DPP10: variants seen among roughly 807,000 people sequenced by gnomAD.
DPP10 encodes inactive dipeptidyl peptidase 10.
DPP10 carries 33 observed loss-of-function variants against 120.9 expected under a neutral mutation model. The ratio of observed to expected loss-of-function variants is 0.27; its 90% CI spans 0.21 to 0.37. The LOEUF (loss-of-function observed/expected upper bound fraction) is 0.37, where lower values mean the gene tolerates loss of function less well. Ranked by LOEUF, DPP10 falls within the 10% of genes least tolerant of loss-of-function variation. The pLI, the probability that DPP10 is intolerant of heterozygous loss-of-function variation, is 1.00. For synonymous variants in DPP10, 337 were observed against 326.1 expected (o/e 1.03, Z -0.36); for missense variants, 816 against 942.8 (o/e 0.87, Z 1.76).
intron 2 of DPP10, among the ~76,000 whole-genome samples, chr2:115,334,494 T>G (rs1046012991): frequency 1.3e-5 from 2 of 151,684 alleles, no homozygotes; most frequent in Non-Finnish European, 2.9e-5. Flanking sequence ...AGATTATTAT[T>G]TTTCCAATTT....
At chr2:115,307,305 A>G (rs1243536200) in intron 1 of DPP10, among the ~76,000 whole-genome samples, 3 of 152,090 alleles carry the variant, frequency 2.0e-5, no homozygotes. Context: ...GTCAAAAGTC[A>G]TTTCTCAAAT....
At chr2:115,519,988 ATTGAGTAGTGAGGG>A in intron 4 of DPP10, among the ~76,000 whole-genome samples, 1 of 152,310 alleles carries the variant, frequency 6.6e-6, no homozygotes, top group East Asian at 1.9e-4. Context: ...TAATAATGAG[ATTGAGTAGTGAGGG>A]AAGTTATACC....
chr2:115,365,289 G>C (rs1165599782), intron 3 of DPP10, among the ~76,000 whole-genome samples: 1 of 151,830 alleles, frequency 6.6e-6, no homozygotes, highest in Admixed American at 6.6e-5. Flanking sequence ...CTACAAATCT[G>C]CCATAAAAGA....
intron 7 of DPP10, among the ~76,000 whole-genome samples, chr2:115,692,451 A>G (rs896470373): frequency 6.6e-6 from 1 of 152,030 alleles, no homozygotes; most frequent in African/African-American, 2.4e-5. Context: ...GTTTTGCATT[A>G]TATAATTTGA....
chr2:114,636,609 G>A (rs1159443062), intron 1 of DPP10, among the ~76,000 whole-genome samples: 2 of 151,936 alleles, frequency 1.3e-5, no homozygotes, highest in East Asian at 1.9e-4. Flanking sequence ...CTCTGGGAAC[G>A]CTGTAGTAAG....
intron 1 of DPP10, among the ~76,000 whole-genome samples, chr2:115,305,166 A>G (rs529366414): frequency 6.6e-6 from 1 of 152,182 alleles, no homozygotes; most frequent in African/African-American, 2.4e-5. Flanking sequence ...TTGTGATATC[A>G]TAATCTAACA....
chr2:115,269,660 C>G (rs1453362136), intron 1 of DPP10, among the ~76,000 whole-genome samples: 1 of 152,090 alleles, frequency 6.6e-6, no homozygotes, highest in East Asian at 1.9e-4. Context: ...GGTGAACAGT[C>G]TAAGAATCTG....
At chr2:114,723,903 C>T (rs1013373365) in intron 1 of DPP10, among the ~76,000 whole-genome samples, 6 of 152,102 alleles carry the variant, frequency 3.9e-5, no homozygotes, top group Non-Finnish European at 8.8e-5. Flanking sequence ...TGTTGGAAGT[C>T]ACAGACTTCA....
intron 1 of DPP10, among the ~76,000 whole-genome samples, chr2:114,965,982 A>G (rs533105193): frequency 0.027 from 3,901 of 146,908 alleles, 188 homozygotes; most frequent in African/African-American, 0.093. Flanking sequence ...AAAAAAAAAA[A>G]AAAAAGAAAA....
chr2:115,118,336 A>G (rs1246058352), intron 1 of DPP10, among the ~76,000 whole-genome samples: 2 of 152,178 alleles, frequency 1.3e-5, no homozygotes, highest in African/African-American at 2.4e-5. Flanking sequence ...CGACCACCAA[A>G]TAAGTGTGGA....
At chr2:115,497,172 T>G (rs1226988897) in intron 3 of DPP10, among the ~76,000 whole-genome samples, 3 of 152,052 alleles carry the variant, frequency 2.0e-5, no homozygotes, top group African/African-American at 7.2e-5. Flanking sequence ...ATAGCTACAT[T>G]TTAGGAGAAT....
chr2:114,640,722 G>A (rs1695645503), intron 1 of DPP10, among the ~76,000 whole-genome samples: 1 of 151,936 alleles, frequency 6.6e-6, no homozygotes, highest in Non-Finnish European at 1.5e-5. Flanking sequence ...ACGCAAAGAA[G>A]GAGGGAGAAA....
intron 1 of DPP10, among the ~76,000 whole-genome samples, chr2:115,113,001 T>A (rs7560260): frequency 0.21 from 31,317 of 151,984 alleles, 3,964 homozygotes; most frequent in East Asian, 0.36. Flanking sequence ...ACACAACTAG[T>A]TTAATTGATA....
intron 1 of DPP10, among the ~76,000 whole-genome samples, chr2:114,915,141 A>T (rs528519908): frequency 1.0e-3 from 143 of 136,912 alleles, no homozygotes; most frequent in African/African-American, 3.7e-3. Context: ...AAAAAAAAAA[A>T]TAAAAAATAA....
intron 5 of DPP10, among the ~76,000 whole-genome samples, chr2:115,561,127 TTGTC>T (rs1247001768): frequency 6.6e-6 from 1 of 152,036 alleles, no homozygotes; most frequent in Admixed American, 6.6e-5. Context: ...GGCGGGTGGA[TTGTC>T]TGAGCTCAGG....
intron 1 of DPP10, among the ~76,000 whole-genome samples, chr2:114,506,876 A>G (rs950917152): frequency 1.3e-5 from 2 of 152,152 alleles, no homozygotes; most frequent in East Asian, 3.9e-4. Context: ...CACTCTGACT[A>G]TATAGACCAA....
At chr2:115,414,106 G>C (rs1464855210) in intron 3 of DPP10, among the ~76,000 whole-genome samples, 1 of 152,068 alleles carries the variant, frequency 6.6e-6, no homozygotes, top group Non-Finnish European at 1.5e-5. Flanking sequence ...TTGTCTAGGG[G>C]CTACGTGGAT....
chr2:114,918,432 A>T (rs932691987), intron 1 of DPP10, among the ~76,000 whole-genome samples: 6 of 152,178 alleles, frequency 3.9e-5, no homozygotes, highest in Non-Finnish European at 8.8e-5. Context: ...TGACCCAGCA[A>T]TCTCATTACT....
At chr2:115,209,970 G>C (rs1425145220) in intron 1 of DPP10, among the ~76,000 whole-genome samples, 2 of 152,016 alleles carry the variant, frequency 1.3e-5, no homozygotes, top group Non-Finnish European at 2.9e-5. Flanking sequence ...TTTGAGGCTA[G>C]GAGTTCAACA....
Sources: allele counts gnomAD v4.1 joint callset (sites outside exome capture counted in the v4.1 genomes callset), GRCh38; gene constraint gnomAD v4.1.1; transcripts MANE v1.5; gene names NCBI Gene and HGNC (gene_info 2026-07-23, HGNC 2026-07-21).